Variants in ROBO1 observed in about 807,000 individuals in gnomAD.
The protein encoded by ROBO1 is roundabout guidance receptor 1, also known as roundabout homolog 1.
Under a neutral mutation model 195.9 loss-of-function variants are expected in ROBO1, and 149 were observed. That is an observed-to-expected ratio of 0.76 (90% CI 0.67 to 0.87). ROBO1 has a LOEUF of 0.87. Among genes scored for constraint, ROBO1 ranks in the 40% least tolerant of loss-of-function variants. ROBO1 has a pLI of 0.00. For missense variants in ROBO1, 1,933 were observed against 2,068.3 expected (o/e 0.93, Z 1.27); for synonymous variants, 816 against 733.2 (o/e 1.11, Z -1.82).
intron 4 of ROBO1, among the ~76,000 whole-genome samples, chr3:78,866,324 T>G (rs1336269916): frequency 1.3e-5 from 2 of 152,136 alleles, no homozygotes; most frequent in Non-Finnish European, 2.9e-5. Context: ...AGTGAAAAAA[T>G]TCATACAGGA....
At chr3:78,875,439 C>T (rs1443717865) in intron 4 of ROBO1, among the ~76,000 whole-genome samples, 3 of 151,570 alleles carry the variant, frequency 2.0e-5, no homozygotes, top group African/African-American at 7.3e-5. Context: ...AGTCTGGGAT[C>T]GTGACATTAT....
chr3:79,057,837 C>T (rs986517949), intron 3 of ROBO1, among the ~76,000 whole-genome samples: 1 of 152,016 alleles, frequency 6.6e-6, no homozygotes, highest in African/African-American at 2.4e-5. Flanking sequence ...ACACTAATGA[C>T]AGTGTGTGGA....
chr3:79,094,923 C>G (rs2079541523), intron 3 of ROBO1, among the ~76,000 whole-genome samples: 1 of 147,108 alleles, frequency 6.8e-6, no homozygotes, highest in South Asian at 2.2e-4. Context: ...CCCTCCCTCC[C>G]TCTCTCCCTC....
intron 3 of ROBO1, among the ~76,000 whole-genome samples, chr3:78,945,327 G>T (rs1185876106): frequency 1.3e-5 from 2 of 152,154 alleles, no homozygotes; most frequent in Admixed American, 6.5e-5. Context: ...AAAACTTCCA[G>T]AGGAACAATC....
chr3:78,636,079 G>A lies in ROBO1; in HGVS notation c.3067C>T (p.Leu1023=), dbSNP rs1488574579. 1 of 1,612,492 alleles carries A rather than the reference G, an allele frequency of 6.2e-7. No individual in the cohort carries two copies. Among genetic ancestry groups the A allele is most frequent in the South Asian group, 1.1e-5 (1 of 91,024 alleles). Residue 1023 remains leucine (L), a synonymous_variant, in exon 23 of 31, where the codon CTG becomes TTG. Coordinates refer to ENST00000464233, the MANE Select transcript of ROBO1 (RefSeq NM_002941.4). ...ATCAGATTTGTTTGTTTGTTATCCA[G>A]TTGGTTGTTATAATTTGCTATACAA... ...ADCIANYNNQ[L]DNKQTNLMLP...
At chr3:79,012,294 A>G (rs1056675047) in intron 3 of ROBO1, among the ~76,000 whole-genome samples, 8 of 152,178 alleles carry the variant, frequency 5.3e-5, no homozygotes, top group Non-Finnish European at 1.2e-4. Flanking sequence ...CTATATTCCC[A>G]CTTAACACAG....
At chr3:79,317,836 C>T (rs2033805554) in intron 2 of ROBO1, among the ~76,000 whole-genome samples, 1 of 152,064 alleles carries the variant, frequency 6.6e-6, no homozygotes, top group South Asian at 2.1e-4. Flanking sequence ...ACACATACAT[C>T]TCCTTACAGA....
At chr3:78,658,580 C>A (rs982196772) in intron 17 of ROBO1, among the ~76,000 whole-genome samples, 28 of 152,218 alleles carry the variant, frequency 1.8e-4, no homozygotes, top group Admixed American at 5.9e-4. Flanking sequence ...CAGCGCCCAA[C>A]TGACATACTC....
At chr3:78,614,446 TAAC>T (rs1259934155) in intron 28 of ROBO1, among the ~76,000 whole-genome samples, 199 bp downstream of exon 28, 1 of 152,190 alleles carries the variant, frequency 6.6e-6, no homozygotes, top group Non-Finnish European at 1.5e-5. Context: ...TTTTTTTAAA[TAAC>T]AAGCTTATCA....
chr3:78,705,887 T>A (rs902810591), intron 8 of ROBO1, among the ~76,000 whole-genome samples: 2 of 152,264 alleles, frequency 1.3e-5, no homozygotes, highest in East Asian at 3.9e-4. Context: ...AGATGGCAGA[T>A]GGTGGGAATT....
intron 1 of ROBO1, among the ~76,000 whole-genome samples, chr3:79,753,878 A>T (rs1277446366): frequency 6.6e-6 from 1 of 152,210 alleles, no homozygotes; most frequent in Non-Finnish European, 1.5e-5. Flanking sequence ...TGAAGTCTGA[A>T]GCTAGACTGT....
At chr3:79,501,078 G>C (rs73848898) in intron 2 of ROBO1, among the ~76,000 whole-genome samples, 2 of 152,034 alleles carry the variant, frequency 1.3e-5, no homozygotes, top group Admixed American at 6.6e-5. Context: ...CTCTAAGGCA[G>C]GGTATGGCAA....
intron 2 of ROBO1, among the ~76,000 whole-genome samples, chr3:79,414,005 C>A (rs1470643409): frequency 6.6e-6 from 1 of 152,102 alleles, no homozygotes; most frequent in Non-Finnish European, 1.5e-5. Flanking sequence ...AGTCTGTCGA[C>A]CTTTTTATTT....
At chr3:79,227,655 TA>T (rs1236451172) in intron 2 of ROBO1, among the ~76,000 whole-genome samples, 1 of 152,122 alleles carries the variant, frequency 6.6e-6, no homozygotes, top group Non-Finnish European at 1.5e-5. Context: ...ACACTCAAAT[TA>T]ATCTCTCTAC....
intron 4 of ROBO1, among the ~76,000 whole-genome samples, chr3:78,808,500 G>A (rs776081517): frequency 6.6e-6 from 1 of 152,132 alleles, no homozygotes; most frequent in Admixed American, 6.5e-5. Context: ...ACCATGCCCT[G>A]CCTGAAATGT....
intron 2 of ROBO1, among the ~76,000 whole-genome samples, chr3:79,163,736 G>A (rs7611697): frequency 0.054 from 8,139 of 152,096 alleles, 282 homozygotes; most frequent in Middle Eastern, 0.099. Context: ...AAGCCATTCT[G>A]CAGCCTCAAA....
intron 1 of ROBO1, among the ~76,000 whole-genome samples, chr3:79,625,422 T>TAAAAAAAAAAAAAAAAAAAAAAA: frequency 2.5e-4 from 1 of 3,972 alleles, no homozygotes; most frequent in South Asian, 0.01. Flanking sequence ...CTGTTTTTTT[T>TAAAAAAAAAAAAAAAAAAAAAAA]GAAAAAAAAA....
intron 4 of ROBO1, among the ~76,000 whole-genome samples, chr3:78,875,257 A>G (rs2107190876): frequency 6.6e-6 from 1 of 152,184 alleles, no homozygotes; most frequent in South Asian, 2.1e-4. Flanking sequence ...TAGAAAAGGA[A>G]AGGAATAATC....
chr3:79,335,473 T>G (rs1271540373), intron 2 of ROBO1, among the ~76,000 whole-genome samples: 1 of 152,096 alleles, frequency 6.6e-6, no homozygotes, highest in Non-Finnish European at 1.5e-5. Context: ...TGAGGTCTCG[T>G]GTGATCTGAA....
Sources: gnomAD v4.1 joint callset for allele counts (sites outside exome capture counted in the v4.1 genomes callset) on GRCh38, gnomAD v4.1.1 for gene constraint, MANE v1.5 for transcripts, NCBI Gene and HGNC (gene_info 2026-07-23, HGNC 2026-07-21) for gene names.